The following BSG variants were observed in gnomAD, a reference collection of about 807,000 sequenced individuals.
BSG encodes the protein basigin.
A neutral mutation model predicts 43.1 loss-of-function variants in BSG; 37 were observed. The ratio of observed to expected loss-of-function variants is 0.86; its 90% confidence interval spans 0.66 to 1.13. The LOEUF is 1.13. Ranked by LOEUF, BSG falls within the 50% of genes most tolerant of loss-of-function variation. The probability of loss-of-function intolerance (pLI) is 0.00; values close to 1 mark genes in which losing one functional copy is unlikely to be tolerated. For missense variants in BSG, 599 were observed against 554.2 expected, an observed-to-expected ratio of 1.08 and a Z score of -0.81; for synonymous variants, 309 against 238.7, an observed-to-expected ratio of 1.29 and a Z score of -2.72.
At position 573,145 on chromosome 19, in the gene BSG, G is replaced by T. The variant is rs138748626; in HGVS notation, c.67+444G>T. 2.8e-4 allele frequency among the ~76,000 whole-genome samples: 43 copies of T among 152,322 alleles called. No individual in the cohort carries two copies. The East Asian group carries it at 8.3e-3, about 29-fold the overall frequency. ...CCGCCGGTCCCATCGGCCAGGAGAA[G>T]GGAGACCCAAAGCCTGGGTGAGCGT... is the stretch of plus-strand genomic sequence containing the variant. On this transcript the variant is annotated intron_variant, in intron 1 of 8. Transcript: ENST00000333511.
In BSG at chr19:577,977, A is replaced by G. The variant is rs1981927119; in HGVS notation, c.271A>G (p.Ser91Gly). ...CGCCACCTACCACCAGCACGCGGCC[A>G]GCACCATCTCCATCGACACGCTCGT... The part of the protein sequence containing the change: ...IHATYHQHAA[S>G]TISIDTLVEE... The change falls in exon 2 of 9, where the codon AGC (serine) becomes GGC (glycine). Residue 91 changes from serine to glycine, a missense_variant. By Grantham distance (56) the Ser-to-Gly change is moderately conservative. Coordinates refer to ENST00000333511, the MANE Select transcript of BSG (RefSeq NM_001728.4). 2 of 1,612,084 alleles carry G rather than the reference A, an allele frequency of 1.2e-6. No individual in the cohort carries two copies. The highest frequency in any genetic ancestry group is 1.7e-6 in the Non-Finnish European group (2 of 1,179,686).
chr19:582,419 A>C (rs915291640), intron 7 of BSG, 89 bp downstream of exon 7: 14 of 1,195,562 alleles, frequency 1.2e-5, no homozygotes, highest in African/African-American at 3.2e-5. Context: ...CCTGGGCTTC[A>C]GTATTCGGGG....
rs1803535 is a variant in BSG, at chr19:580,710, G to A, written c.720G>A (p.Leu240=). The change falls in exon 5 of 9, where the codon CTG becomes CTA. Residue 240 remains leucine (L), a synonymous_variant. Coordinates refer to ENST00000333511, the MANE Select transcript of BSG (RefSeq NM_001728.4). ...TCAACGAGGGGGAGACGGCCATGCT[G>A]GTCTGCAAGTCAGAGTCCGTGCCAC... is the stretch of plus-strand genomic sequence containing the variant. ...EHINEGETAM[L]VCKSESVPPV... is the part of the protein sequence containing the mutation. The A allele has an allele frequency of 0.024, 38,476 of 1,592,250 alleles. 847 individuals carry two copies. The highest frequency in any genetic ancestry group is 0.034 in the Middle Eastern group (203 of 6,020).
At chr19:577,718 C>A in intron 1 of BSG, 56 bp from the exon 2 acceptor site, 11 of 1,306,668 alleles carry the variant, frequency 8.4e-6, no homozygotes, top group Non-Finnish European at 9.8e-6. Flanking sequence ...TCCCCAGGAG[C>A]TGCCCTCCCA....
chr19:575,042 C>T (rs2145888677), intron 1 of BSG: 1 of 152,390 alleles, frequency 6.6e-6, no homozygotes, highest in Non-Finnish European at 1.5e-5. Context: ...AGTTTTGTTC[C>T]TTTTGTGCAT....
chr19:580,442 G>T lies in BSG; in HGVS notation c.636G>T (p.Thr212=). ...SCVFLPEPMG[T]ANIQLHGPPR... ...TCTTCCTCCCCGAGCCCATGGGCAC[G>T]GCCAACATCCAGCTCCACGGTGAGT... Residue 212 remains threonine (T), a synonymous_variant, in exon 4 of 9, where the codon ACG becomes ACT. Transcript: ENST00000333511. 6.2e-7 allele frequency: 1 copy of T among 1,610,930 alleles called. No individual in the cohort carries two copies.
At chr19:580,293 C>T (rs1982167337) in intron 3 of BSG, 86 bp from the exon 4 acceptor site, 12 of 1,249,548 alleles carry the variant, frequency 9.6e-6, no homozygotes, top group South Asian at 9.1e-5. Flanking sequence ...TTTCACTGTG[C>T]CGTGGTTGGG....
Position 580,696 on chromosome 19 carries a change from G to C in BSG, c.706G>C (p.Glu236Gln). Reference protein sequence around the residue: ...VKSSEHINEGETAMLVCKSES... With the variant: ...VKSSEHINEGQTAMLVCKSES... ...GTCGTCAGAACACATCAACGAGGGG[G>C]AGACGGCCATGCTGGTCTGCAAGTC... The change falls in exon 5 of 9, where the codon GAG becomes CAG. Residue 236 changes from glutamate to glutamine, a missense_variant. Glu to Gln is a conservative substitution (Grantham distance 29). Transcript: ENST00000333511. 6.2e-7 allele frequency: 1 copy of C among 1,612,896 alleles called. No homozygotes were observed. Among genetic ancestry groups the C allele is most frequent in the South Asian group, 1.1e-5 (1 of 91,084 alleles).
In BSG at chr19:582,501, CCT is replaced by C; in HGVS notation, c.1095-11_1095-10del. The C allele has an allele frequency of 6.2e-7, 1 of 1,607,140 alleles. No homozygotes were observed. The highest frequency in any genetic ancestry group is 2.2e-5 in the East Asian group (1 of 44,650). On this transcript the variant is annotated splice_polypyrimidine_tract_variant and intron_variant, in intron 7 of 8. Coordinates refer to ENST00000333511, the MANE Select transcript of BSG (RefSeq NM_001728.4). ...GCGGGGGACACCCTCTCACCCGGCC[CCT>C]CGTGCCCCAGGAAGAGCAGCGGGCA... is the stretch of plus-strand genomic sequence containing the variant.
At chr19:582,396 C>A in intron 7 of BSG, 66 bp downstream of exon 7, 1 of 1,587,612 alleles carries the variant, frequency 6.3e-7, no homozygotes, top group Non-Finnish European at 8.6e-7. Context: ...CTTTAAAACA[C>A]AAAGGCAGAG....
intron 2 of BSG, chr19:579,238 C>A (rs753588231): frequency 1.7e-6 from 1 of 581,936 alleles, no homozygotes; most frequent in African/African-American, 1.8e-5. Context: ...CCAGGGCCCG[C>A]CAGCTGCCAG....
At chr19:578,711 C>A (rs1982000655) in intron 2 of BSG, 1 of 277,258 alleles carries the variant, frequency 3.6e-6, no homozygotes, top group African/African-American at 3.4e-5. Flanking sequence ...GGCACGGGAG[C>A]CTTGGCCGGG....
chr19:579,011 T>G (rs1424882910), intron 2 of BSG: 10 of 456,000 alleles, frequency 2.2e-5, no homozygotes, highest in Non-Finnish European at 4.4e-5. Flanking sequence ...ATTACAGGCG[T>G]GAGCCTCCGC....
upstream of BSG, chr19:572,260 C>G: frequency 2.3e-6 from 1 of 430,838 alleles, no homozygotes; most frequent in Non-Finnish European, 3.1e-6. Flanking sequence ...CAGATAAAAT[C>G]TGGGTAACAC....
upstream of BSG, chr19:572,545 G>C (rs1391492695): frequency 2.2e-6 from 3 of 1,342,492 alleles, no homozygotes; most frequent in Admixed American, 3.2e-5. Context: ...GCGTGCGCGC[G>C]CCCGGTCCGC....
chr19:579,461 T>C (rs775191735), intron 2 of BSG, 39 bp from the exon 3 acceptor site: 2 of 1,610,242 alleles, frequency 1.2e-6, no homozygotes, highest in Non-Finnish European at 8.5e-7. Flanking sequence ...CGGGCCGTGC[T>C]CCTCCACTCT....
At chr19:579,728 C>T (rs1982119601) in intron 3 of BSG, 72 bp downstream of exon 3, 2 of 1,538,082 alleles carry the variant, frequency 1.3e-6, no homozygotes, top group Admixed American at 2.0e-5. Flanking sequence ...GGCCTGTGGT[C>T]CGTGAGAACA....
rs780851106 is a variant in BSG at position 582,545 on chromosome 19, G to A, written c.1126G>A (p.Gly376Ser). 6.5e-7 allele frequency: 1 copy of A among 1,549,812 alleles called. No homozygotes were observed. The highest frequency in any genetic ancestry group is 8.8e-7 in the Non-Finnish European group (1 of 1,142,636). The stretch of plus-strand genomic sequence containing the variant: ...CAGCGGGCAGCACCAGAATGACAAA[G>A]GCAAGAACGTCCGCCAGAGGAACTC... ...KSSGQHQNDK[G>S]KNVRQRNSS Residue 376 changes from glycine to serine, a missense_variant, in exon 8 of 9, where the codon GGC (glycine) becomes AGC (serine). Gly to Ser is a moderately conservative substitution (Grantham distance 56). Coordinates refer to ENST00000333511, the MANE Select transcript of BSG (RefSeq NM_001728.4).
In BSG at chr19:583,340, T is replaced by TG. The variant is rs757655161; in HGVS notation, c.*600dup. 1 of 152,358 alleles carries TG rather than the reference T, an allele frequency of 6.6e-6. No individual in the cohort carries two copies. Among genetic ancestry groups the TG allele is most frequent in the African/African-American group, 2.4e-5 (1 of 41,442 alleles). The allele number at this position is 152,358 out of a possible 1,614,324, so 9.4% of individuals were successfully genotyped here. A position where few individuals can be genotyped will look rare whatever the true frequency, so the allele number is the denominator to read the frequency against. ...GGGGGCAGCTCTGGAGGGGGTTTGCTGGGGAACTGGCGCCATCGCCGGGAC... is the reference window on the plus strand; with the variant it reads ...GGGGGCAGCTCTGGAGGGGGTTTGCTGGGGGAACTGGCGCCATCGCCGGGAC... On this transcript the variant is annotated 3_prime_UTR_variant, in exon 9 of 9. Coordinates refer to ENST00000333511, the MANE Select transcript of BSG (RefSeq NM_001728.4).
Sources: allele counts gnomAD v4.1 joint callset (sites outside exome capture counted in the v4.1 genomes callset), GRCh38; gene constraint gnomAD v4.1.1; transcripts MANE v1.5; gene names NCBI Gene and HGNC (gene_info 2026-07-23, HGNC 2026-07-21).